Variants in TNFAIP8 observed in about 807,000 individuals in gnomAD.
The protein encoded by TNFAIP8 is TNF alpha induced protein 8, also known as tumor necrosis factor alpha-induced protein 8.
TNFAIP8 carries 7 observed loss-of-function variants against 13.3 expected under a neutral mutation model. The ratio of observed to expected loss-of-function variants is 0.52; its 90% CI spans 0.30 to 0.99. The LOEUF (loss-of-function observed/expected upper bound fraction) is 0.99, where lower values mean the gene tolerates loss of function less well. Ranked by LOEUF, TNFAIP8 falls within the 50% of genes least tolerant of loss-of-function variation. The pLI is 0.07. For synonymous variants in TNFAIP8, 94 were observed against 87.6 expected (o/e 1.07, Z -0.41); for missense variants, 258 against 236.9 (o/e 1.09, Z -0.58).
At chr5:119,269,451 T>C (rs960994712) in intron 1 of TNFAIP8, among the ~76,000 whole-genome samples, 8 of 152,106 alleles carry the variant, frequency 5.3e-5, no homozygotes, top group African/African-American at 1.9e-4. Context: ...TGTGTGTGTG[T>C]ATGTGTGTGT....
chr5:119,310,253 G>A (rs1024161112), intron 1 of TNFAIP8, among the ~76,000 whole-genome samples: 1 of 151,952 alleles, frequency 6.6e-6, no homozygotes, highest in Non-Finnish European at 1.5e-5. Flanking sequence ...GAGGTACTAC[G>A]GCTGGTAGAC....
upstream of TNFAIP8, among the ~76,000 whole-genome samples, chr5:119,352,872 A>G (rs917894507): frequency 6.6e-6 from 1 of 152,102 alleles, no homozygotes; most frequent in African/African-American, 2.4e-5. Flanking sequence ...TAACAAAATT[A>G]TGTCAATAAG....
chr5:119,335,248 A>G (rs542209991), intron 1 of TNFAIP8, among the ~76,000 whole-genome samples: 1 of 152,166 alleles, frequency 6.6e-6, no homozygotes, highest in Non-Finnish European at 1.5e-5. Context: ...TATCCTGGCA[A>G]TAGGGAAACG....
intron 1 of TNFAIP8, chr5:119,306,751 G>T (rs563154885): frequency 6.6e-6 from 1 of 152,270 alleles, no homozygotes; most frequent in East Asian, 1.9e-4. Flanking sequence ...CCTTTTAGGA[G>T]CCTAGAATGG....
At chr5:119,386,698 T>C (rs967876321) in intron 1 of TNFAIP8, among the ~76,000 whole-genome samples, 4 of 152,194 alleles carry the variant, frequency 2.6e-5, no homozygotes, top group Admixed American at 6.5e-5. Context: ...TCTTAACCAC[T>C]TGGGGGGATG....
intron 1 of TNFAIP8, chr5:119,269,018 CGAGTGTGAGT>C (rs1581554686): frequency 4.9e-6 from 3 of 615,072 alleles, no homozygotes; most frequent in Admixed American, 2.8e-5. Flanking sequence ...GTTTCTGAAG[CGAGTGTGAGT>C]GAGTGTGAGT....
Position 119,387,423 on chromosome 5 carries a change from G to C in TNFAIP8, c.32-5393G>C, listed in dbSNP as rs567998306. 5.3e-5 allele frequency among the ~76,000 whole-genome samples: 8 copies of C among 152,242 alleles called. No individual in the cohort carries two copies. In the East Asian group the frequency reaches 1.5e-3, roughly 29 times the overall value. Reference sequence around the variant, plus strand: ...AACTAGGCAAGAATTTGCAATGTATGTACATCTGTTGTCATCACTGTTAAA... The same window carrying C: ...AACTAGGCAAGAATTTGCAATGTATCTACATCTGTTGTCATCACTGTTAAA... On this transcript the variant is annotated intron_variant, in intron 1 of 1. Coordinates refer to ENST00000504771, the MANE Select transcript of TNFAIP8 (RefSeq NM_014350.4).
chr5:119,344,677 C>T (rs191033184), intron 1 of TNFAIP8, among the ~76,000 whole-genome samples: 3 of 152,126 alleles, frequency 2.0e-5, no homozygotes, highest in Non-Finnish European at 4.4e-5. Flanking sequence ...GCAACGCTAA[C>T]TAGAGATGAT....
At chr5:119,320,754 C>T (rs1349961841) in intron 1 of TNFAIP8, among the ~76,000 whole-genome samples, 4 of 151,314 alleles carry the variant, frequency 2.6e-5, no homozygotes, top group African/African-American at 4.9e-5. Context: ...ACTTCCAGGG[C>T]ATCACATCCC....
rs1360715743 is a variant in TNFAIP8, at chr5:119,392,970, C to G, written c.186C>G (p.Thr62=). The change falls in exon 2 of 2, where the codon ACC becomes ACG. Residue 62 remains threonine, a synonymous_variant. Transcript: ENST00000504771. The part of the protein sequence containing the change: ...DELYRVTREY[T]QNKKEAEKII... ...TCTACAGAGTGACCAGGGAGTACAC[C>G]CAAAACAAGAAGGAGGCAGAGAAGA... 6 of 1,611,776 alleles carry G rather than the reference C, an allele frequency of 3.7e-6. No homozygotes were observed. The highest frequency in any genetic ancestry group is 5.1e-6 in the Non-Finnish European group (6 of 1,179,030).
intron 1 of TNFAIP8, among the ~76,000 whole-genome samples, chr5:119,290,341 T>C (rs985601470): frequency 3.9e-5 from 6 of 152,214 alleles, no homozygotes; most frequent in African/African-American, 9.7e-5. Context: ...TCAACAGATA[T>C]CTGAACATTC....
intron 1 of TNFAIP8, among the ~76,000 whole-genome samples, chr5:119,305,868 G>C (rs759951179): frequency 1.5e-4 from 23 of 152,182 alleles, no homozygotes; most frequent in Non-Finnish European, 2.9e-4. Flanking sequence ...CACAGGGTGA[G>C]CAACACTGCC....
chr5:119,269,747 A>T (rs1024871329), intron 1 of TNFAIP8, among the ~76,000 whole-genome samples: 3 of 152,302 alleles, frequency 2.0e-5, no homozygotes, highest in Non-Finnish European at 4.4e-5. Flanking sequence ...GAAACAAGAA[A>T]ATCCTTGGAT....
intron 1 of TNFAIP8, among the ~76,000 whole-genome samples, chr5:119,313,489 C>T (rs1186279714): frequency 6.6e-6 from 1 of 152,122 alleles, no homozygotes; most frequent in Non-Finnish European, 1.5e-5. Context: ...TTATACTGTT[C>T]CTAAGGGTCT....
chr5:119,311,301 G>A (rs1171643726), intron 1 of TNFAIP8, among the ~76,000 whole-genome samples: 2 of 152,068 alleles, frequency 1.3e-5, no homozygotes, highest in East Asian at 3.9e-4. Flanking sequence ...TGAGATTACA[G>A]GCATGAGTTA....
At chr5:119,301,856 C>G (rs1432009027) in intron 1 of TNFAIP8, among the ~76,000 whole-genome samples, 1 of 152,078 alleles carries the variant, frequency 6.6e-6, no homozygotes, top group African/African-American at 2.4e-5. Flanking sequence ...GAGGATATTC[C>G]CACTATACCT....
chr5:119,320,401 C>A (rs1407700848), intron 1 of TNFAIP8, among the ~76,000 whole-genome samples: 2 of 152,122 alleles, frequency 1.3e-5, no homozygotes, highest in African/African-American at 2.4e-5. Context: ...TCTTAAAAAA[C>A]AAGTTAAAGA....
intron 1 of TNFAIP8, among the ~76,000 whole-genome samples, chr5:119,327,075 T>C (rs1750246659): frequency 6.6e-6 from 1 of 152,100 alleles, no homozygotes; most frequent in South Asian, 2.1e-4. Context: ...TCCTCCTCTG[T>C]AAGAAAAGGA....
chr5:119,330,929 C>T lies in TNFAIP8; in HGVS notation c.2-61887C>T, dbSNP rs542690456. 2.0e-5 allele frequency among the ~76,000 whole-genome samples: 3 copies of T among 152,302 alleles called. No homozygotes were observed. In the South Asian group the frequency reaches 6.2e-4, roughly 32 times the overall value. ...GGTTAGGGTACAGATTAGCCCTGCGCTTCTGCTGCAGAGTTGTGCCCACCA... is the reference window on the plus strand; with the variant it reads ...GGTTAGGGTACAGATTAGCCCTGCGTTTCTGCTGCAGAGTTGTGCCCACCA... On this transcript the variant is annotated intron_variant, in intron 1 of 1. Transcript: ENST00000274456.
Sources: allele counts gnomAD v4.1 joint callset (sites outside exome capture counted in the v4.1 genomes callset), GRCh38; gene constraint gnomAD v4.1.1; transcripts MANE v1.5; gene names NCBI Gene and HGNC (gene_info 2026-07-23, HGNC 2026-07-21).